SWAP70: variants seen among roughly 807,000 people sequenced by gnomAD.
SWAP70 encodes the protein switch-associated protein 70.
In SWAP70, 34 loss-of-function variants were observed where a neutral mutation model predicts 80.2. The observed-to-expected ratio is 0.42, with a 90% CI of 0.32 to 0.56. The LOEUF is 0.56. Ranked by LOEUF, SWAP70 falls within the 20% of genes least tolerant of loss-of-function variation. The pLI, the probability that SWAP70 is intolerant of heterozygous loss-of-function variation, is 0.09. For synonymous variants in SWAP70, 239 were observed against 238.5 expected (o/e 1.00, Z -0.02); for missense variants, 578 against 690.7 (o/e 0.84, Z 1.83).
chr11:9,741,386 C>G (rs964012323), intron 9 of SWAP70: 1 of 152,114 alleles, frequency 6.6e-6, no homozygotes, highest in Non-Finnish European at 1.5e-5. Context: ...CCCACAGGTG[C>G]ACATTCACTG....
In SWAP70 at chr11:9,694,141, T is replaced by C; in HGVS notation, c.100-5T>C. ...GTCTTTAAACGATTTTCTTTTCCCTTGCAGGTCCTTTCCCATAACCTGTGC... is the reference window on the plus strand; with the variant it reads ...GTCTTTAAACGATTTTCTTTTCCCTCGCAGGTCCTTTCCCATAACCTGTGC... On this transcript the variant is annotated splice_polypyrimidine_tract_variant and splice_region_variant and intron_variant, in intron 1 of 11. Coordinates refer to ENST00000318950, the MANE Select transcript of SWAP70 (RefSeq NM_015055.4). The C allele has an allele frequency of 6.3e-7, 1 of 1,585,350 alleles. No individual in the cohort carries two copies. The highest frequency in any genetic ancestry group is 8.6e-7 in the Non-Finnish European group (1 of 1,167,894).
intron 7 of SWAP70, 126 bp downstream of exon 7, chr11:9,732,836 A>G (rs1851318046): frequency 2.2e-6 from 2 of 913,606 alleles, no homozygotes; most frequent in Non-Finnish European, 3.2e-6. Context: ...CTTGTGGTGA[A>G]CTGTTCTCAG....
At chr11:9,681,695 G>A (rs80323384) in intron 1 of SWAP70, among the ~76,000 whole-genome samples, 1,583 of 152,214 alleles carry the variant, frequency 0.01, 30 homozygotes, top group African/African-American at 0.036. Context: ...TGATACAGAT[G>A]AGCAAACTGG....
At chr11:9,733,413 A>T (rs1162231977) in intron 7 of SWAP70, among the ~76,000 whole-genome samples, 1 of 152,116 alleles carries the variant, frequency 6.6e-6, no homozygotes, top group East Asian at 1.9e-4. Flanking sequence ...TTGCTCTGGG[A>T]TATGGGGGTG....
At chr11:9,698,096 T>G (rs1388713812) in intron 2 of SWAP70, among the ~76,000 whole-genome samples, 1 of 132,600 alleles carries the variant, frequency 7.5e-6, no homozygotes, top group African/African-American at 3.1e-5. Context: ...AATACATGTT[T>G]TTTGTTTTTT....
chr11:9,724,820 C>G lies in SWAP70; in HGVS notation c.577C>G (p.Arg193Gly), dbSNP rs560808312. The G allele has an allele frequency of 6.2e-7, 1 of 1,613,876 alleles. No individual in the cohort carries two copies. The highest frequency in any genetic ancestry group is 1.1e-5 in the South Asian group (1 of 91,068). ...GNGQFSKGMD[R>G]QTVSMAINEV... ...TGGACAGTTTAGCAAAGGCATGGAC[C>G]GGCAGACTGTGTCTATGGCAATTAA... Residue 193 changes from arginine to glycine, a missense_variant, in exon 4 of 12, where the codon CGG becomes GGG. Arg to Gly is a moderately radical substitution (Grantham distance 125). Transcript: ENST00000318950.
At chr11:9,737,506 A>T (rs775597088) in intron 7 of SWAP70, among the ~76,000 whole-genome samples, 1 of 152,176 alleles carries the variant, frequency 6.6e-6, no homozygotes, top group African/African-American at 2.4e-5. Flanking sequence ...GGAGCTCCTT[A>T]TGCCACCCTT....
intron 1 of SWAP70, among the ~76,000 whole-genome samples, chr11:9,682,244 G>A (rs1850576640): frequency 1.3e-5 from 2 of 152,188 alleles, no homozygotes; most frequent in African/African-American, 4.8e-5. Context: ...AGGTGACAGA[G>A]CGGCTCACGC....
intron 8 of SWAP70, 51 bp from the exon 9 acceptor site, chr11:9,740,130 C>T (rs1396757333): frequency 1.9e-6 from 3 of 1,574,006 alleles, no homozygotes; most frequent in East Asian, 4.5e-5. Flanking sequence ...TGAGGCTTTC[C>T]CTGAGAAAGA....
intron 1 of SWAP70, among the ~76,000 whole-genome samples, chr11:9,667,970 C>T (rs1043276190): frequency 2.6e-5 from 4 of 152,182 alleles, no homozygotes; most frequent in African/African-American, 7.2e-5. Context: ...CTCACTGCAA[C>T]CTCTGCTTCC....
intron 3 of SWAP70, among the ~76,000 whole-genome samples, chr11:9,717,053 G>C (rs1851075224): frequency 6.6e-6 from 1 of 152,200 alleles, no homozygotes; most frequent in African/African-American, 2.4e-5. Context: ...ACAATGGTAA[G>C]TGAGAAGTTG....
At chr11:9,745,300 G>A (rs1281967955) in intron 9 of SWAP70, among the ~76,000 whole-genome samples, 2 of 152,166 alleles carry the variant, frequency 1.3e-5, no homozygotes, top group Non-Finnish European at 2.9e-5. Flanking sequence ...TTAGAGTAAT[G>A]CCTAGCATTT....
intron 3 of SWAP70, among the ~76,000 whole-genome samples, chr11:9,718,731 C>G (rs1183726177): frequency 6.6e-6 from 1 of 152,112 alleles, no homozygotes. Context: ...TTCCAATAAT[C>G]CACTTACCGT....
At chr11:9,696,330 G>T (rs1028532427) in intron 2 of SWAP70, among the ~76,000 whole-genome samples, 1 of 152,150 alleles carries the variant, frequency 6.6e-6, no homozygotes, top group Non-Finnish European at 1.5e-5. Flanking sequence ...TTTAAAATTG[G>T]TGATGAAAAA....
intron 1 of SWAP70, among the ~76,000 whole-genome samples, chr11:9,688,348 CA>C (rs1310040132): frequency 6.6e-6 from 1 of 152,094 alleles, no homozygotes; most frequent in Non-Finnish European, 1.5e-5. Flanking sequence ...GCTTGGGAAA[CA>C]GAGTGAAGAA....
chr11:9,676,721 C>T (rs886322067), intron 1 of SWAP70, among the ~76,000 whole-genome samples: 1 of 149,724 alleles, frequency 6.7e-6, no homozygotes, highest in Non-Finnish European at 1.5e-5. Flanking sequence ...GCAATCTCGG[C>T]TTACTGCAAG....
intron 2 of SWAP70, chr11:9,703,525 A>C (rs1035737798): frequency 2.2e-6 from 1 of 455,924 alleles, no homozygotes; most frequent in Non-Finnish European, 4.4e-6. Flanking sequence ...TCACTTCCTC[A>C]GGGAGGTTTC....
intron 2 of SWAP70, among the ~76,000 whole-genome samples, chr11:9,704,756 C>T (rs548574724): frequency 6.6e-6 from 1 of 152,230 alleles, no homozygotes; most frequent in Admixed American, 6.5e-5. Context: ...TCTTCCTCCT[C>T]GCACTAGAAG....
chr11:9,693,998 CT>C (rs2134447528), intron 1 of SWAP70, 147 bp from the exon 2 acceptor site: 1 of 932,730 alleles, frequency 1.1e-6, no homozygotes, highest in South Asian at 2.8e-5. Context: ...CAAGTAGGGG[CT>C]TGCAGCTGAG....
Sources: allele counts gnomAD v4.1 joint callset (sites outside exome capture counted in the v4.1 genomes callset), GRCh38; gene constraint gnomAD v4.1.1; transcripts MANE v1.5; gene names NCBI Gene and HGNC (gene_info 2026-07-23, HGNC 2026-07-21).